The following FABP6 variants were observed in gnomAD, a reference collection of about 807,000 sequenced individuals.
FABP6 encodes the protein fatty acid binding protein 6, also known as gastrotropin.
A neutral mutation model predicts 14.9 loss-of-function variants in FABP6; 13 were observed. That is an observed-to-expected ratio of 0.87 (90% CI 0.57 to 1.39). FABP6 has a LOEUF of 1.39. Among genes scored for constraint, FABP6 ranks in the 40% most tolerant of loss-of-function variants. The probability of loss-of-function intolerance (pLI) is 0.00; values close to 1 mark genes in which losing one functional copy is unlikely to be tolerated. For missense variants in FABP6, 161 were observed against 167.2 expected (o/e 0.96, Z 0.20); for synonymous variants, 75 against 63.6 (o/e 1.18, Z -0.85).
At chr5:160,231,220 G>C (rs750574936) in intron 1 of FABP6, among the ~76,000 whole-genome samples, 1 of 152,202 alleles carries the variant, frequency 6.6e-6, no homozygotes, top group African/African-American at 2.4e-5. Context: ...CCCTGAAGGA[G>C]CAATGACTTG....
upstream of FABP6, chr5:160,228,490 T>G (rs1299864917): frequency 2.2e-6 from 1 of 456,272 alleles, no homozygotes. Flanking sequence ...TCTCACAAGA[T>G]GGGTAGGCCG....
intron 3 of FABP6, among the ~76,000 whole-genome samples, chr5:160,222,764 A>G (rs993738926): frequency 2.0e-5 from 3 of 152,240 alleles, no homozygotes; most frequent in Non-Finnish European, 4.4e-5. Context: ...GGGGCAGGAA[A>G]GTACCAAAGA....
At position 160,214,152 on chromosome 5, in the gene FABP6, T is replaced by TTTCTTTCTTTCA. The variant is rs755078967; in HGVS notation, c.135+340_135+341insTTTCATTCTTTC. 5.8e-3 allele frequency among the ~76,000 whole-genome samples: 745 copies of TTTCTTTCTTTCA among 129,008 alleles called. 41 individuals carry two copies. Among genetic ancestry groups the TTTCTTTCTTTCA allele is most frequent in the East Asian group, 0.012 (52 of 4,264 alleles). The allele number at this position is 129,008 out of a possible 152,430, so 84.6% of individuals were successfully genotyped here. A position where few individuals can be genotyped will look rare whatever the true frequency, so the allele number is the denominator to read the frequency against. ...CTTTCTTTCTTTCTTTCTTTCTTTC[T>TTTCTTTCTTTCA]TTCTTTCCTTCTTCTCTCTTATAAT... On this transcript the variant is annotated intron_variant, in intron 3 of 6. Transcript: ENST00000393980.
chr5:160,192,920 T>G (rs1451069085), intron 1 of FABP6, among the ~76,000 whole-genome samples: 2 of 152,222 alleles, frequency 1.3e-5, no homozygotes, highest in African/African-American at 4.8e-5. Context: ...GAGACCAGCC[T>G]GAGCAACATA....
At chr5:160,206,978 T>G (rs980527273) in intron 2 of FABP6, among the ~76,000 whole-genome samples, 1 of 152,254 alleles carries the variant, frequency 6.6e-6, no homozygotes, top group African/African-American at 2.4e-5. Context: ...AAAAACCTAC[T>G]TTGCCCTTCA....
chr5:160,237,750 G>A (rs568262023), intron 3 of FABP6, among the ~76,000 whole-genome samples: 1 of 152,240 alleles, frequency 6.6e-6, no homozygotes, highest in African/African-American at 2.4e-5. Flanking sequence ...CTACAGGTAT[G>A]CTCTCCCCAG....
Position 160,232,172 on chromosome 5 carries a change from T to C in FABP6, c.142T>C (p.Phe48Leu). Reference protein sequence around the residue: ...VTEVQQDGQDFTWSQHYSGGH... With the variant: ...VTEVQQDGQDLTWSQHYSGGH... ...GGAGGTGCAGCAGGATGGGCAGGACTTCACTTGGTCCCAGCACTACTCCGG... is the reference window on the plus strand; with the variant it reads ...GGAGGTGCAGCAGGATGGGCAGGACCTCACTTGGTCCCAGCACTACTCCGG... The change falls in exon 2 of 4, where the codon TTC becomes CTC. Residue 48 changes from phenylalanine (F) to leucine (L), a missense_variant. Physicochemically the swap from Phe to Leu is conservative, Grantham distance 22. Coordinates refer to ENST00000402432, the MANE Select transcript of FABP6 (RefSeq NM_001445.3). The C allele has an allele frequency of 6.2e-7, 1 of 1,613,948 alleles. No individual in the cohort carries two copies. The highest frequency in any genetic ancestry group is 8.5e-7 in the Non-Finnish European group (1 of 1,179,966).
At chr5:160,197,950 G>A (rs918146928) in intron 1 of FABP6, 69 of 138,118 alleles carry the variant, frequency 5.0e-4, no homozygotes, top group African/African-American at 7.8e-4. Flanking sequence ...GTGTGTGTGT[G>A]TGTATGTGTG....
intron 1 of FABP6, among the ~76,000 whole-genome samples, chr5:160,192,589 T>C (rs1329417708): frequency 1.3e-5 from 2 of 152,218 alleles, no homozygotes; most frequent in Admixed American, 1.3e-4. Context: ...GCAAACAGAA[T>C]CATCCAATAG....
rs927682372 is a variant in FABP6, at chr5:160,205,959, T to TTTTTC, written c.51+6816_51+6820dup. Among the ~76,000 whole-genome samples the TTTTTC allele has an allele frequency of 5.9e-5, 9 of 152,286 alleles. No homozygotes were observed. The East Asian group carries it at 7.7e-4, about 13-fold the overall frequency. On this transcript the variant is annotated intron_variant, in intron 2 of 6. Transcript: ENST00000393980. ...ATTTATTGTTCAAGGTCTCTTTTCT[T>TTTTTC]TTTTCTTTTCTTTTCTTTCTTTTCT...
intron 2 of FABP6, chr5:160,199,267 G>A: frequency 9.4e-7 from 1 of 1,068,718 alleles, no homozygotes; most frequent in Non-Finnish European, 1.4e-6. Flanking sequence ...TCTCTGTGAT[G>A]CTAATAACAG....
upstream of FABP6, chr5:160,229,333 C>T: frequency 9.5e-7 from 1 of 1,047,238 alleles, no homozygotes; most frequent in Non-Finnish European, 1.3e-6. Context: ...AATGGGGTGA[C>T]AGCACTTCCC....
At chr5:160,208,359 G>A (rs1759812792) in intron 2 of FABP6, among the ~76,000 whole-genome samples, 2 of 152,126 alleles carry the variant, frequency 1.3e-5, no homozygotes, top group South Asian at 2.1e-4. Context: ...GATCGCTTGA[G>A]CCCAGGAGTT....
In FABP6 at chr5:160,232,181, T is replaced by G. The variant is rs376458162; in HGVS notation, c.151T>G (p.Ser51Ala). The change falls in exon 2 of 4, where the codon TCC becomes GCC. Residue 51 changes from serine to alanine, a missense_variant. Ser to Ala is a moderately conservative substitution (Grantham distance 99). Coordinates refer to ENST00000402432, the MANE Select transcript of FABP6 (RefSeq NM_001445.3). ...GCAGGATGGGCAGGACTTCACTTGG[T>G]CCCAGCACTACTCCGGGGGCCACAC... ...VQQDGQDFTW[S>A]QHYSGGHTMT... 1 of 1,613,828 alleles carries G rather than the reference T, an allele frequency of 6.2e-7. No homozygotes were observed. The highest frequency in any genetic ancestry group is 2.2e-5 in the East Asian group (1 of 44,870).
intron 2 of FABP6, chr5:160,204,656 A>AT (rs1355408080): frequency 6.6e-6 from 1 of 151,968 alleles, no homozygotes; most frequent in African/African-American, 2.4e-5. Context: ...AGCCCGACTA[A>AT]TTTTTTGTAT....
chr5:160,226,444 C>G (rs1351408196), upstream of FABP6, among the ~76,000 whole-genome samples: 2 of 151,304 alleles, frequency 1.3e-5, no homozygotes, highest in Admixed American at 6.6e-5. Flanking sequence ...ACCTGTAATC[C>G]CAGCTACTCA....
intron 2 of FABP6, among the ~76,000 whole-genome samples, chr5:160,207,335 A>T (rs1759789358): frequency 6.6e-6 from 1 of 152,220 alleles, no homozygotes; most frequent in African/African-American, 2.4e-5. Flanking sequence ...CAAACACCCA[A>T]ATTAAATGGA....
chr5:160,198,895 G>A (rs1270463132), intron 1 of FABP6: 3 of 578,474 alleles, frequency 5.2e-6, no homozygotes, highest in Non-Finnish European at 9.2e-6. Context: ...ATTCCTGGAG[G>A]GCAGGGACCT....
chr5:160,205,401 C>T (rs1393201287), intron 2 of FABP6, among the ~76,000 whole-genome samples: 2 of 150,420 alleles, frequency 1.3e-5, no homozygotes, highest in Admixed American at 6.6e-5. Flanking sequence ...AAGTCGTGTA[C>T]ACTTATAAAC....
Sources: gnomAD v4.1 joint callset for allele counts (sites outside exome capture counted in the v4.1 genomes callset) on GRCh38, gnomAD v4.1.1 for gene constraint, MANE v1.5 for transcripts, NCBI Gene and HGNC (gene_info 2026-07-23, HGNC 2026-07-21) for gene names.